ASZ1: variants seen among roughly 807,000 people sequenced by gnomAD.
ASZ1 encodes the protein ankyrin repeat, SAM and basic leucine zipper domain containing 1.
In ASZ1, 67 loss-of-function variants were observed where a neutral mutation model predicts 61.8. The ratio of observed to expected loss-of-function variants is 1.08; its 90% CI spans 0.89 to 1.33. The LOEUF (loss-of-function observed/expected upper bound fraction) is 1.33. Ranked by LOEUF, ASZ1 falls within the 40% of genes most tolerant of loss-of-function variation. The pLI, the probability that ASZ1 is intolerant of heterozygous loss-of-function variation, is 0.00. For missense variants in ASZ1, 577 were observed against 554.5 expected, an observed-to-expected ratio of 1.04 and a Z score of -0.41; for synonymous variants, 193 against 192.7, an observed-to-expected ratio of 1.00 and a Z score of -0.01.
intron 10 of ASZ1, among the ~76,000 whole-genome samples, chr7:117,377,957 A>G (rs1796167249): frequency 6.6e-6 from 1 of 152,116 alleles, no homozygotes. Flanking sequence ...TTTTCAATAA[A>G]TAGTGCTGGG....
At chr7:117,389,783 C>T (rs1796427927) in intron 4 of ASZ1, among the ~76,000 whole-genome samples, 1 of 152,214 alleles carries the variant, frequency 6.6e-6, no homozygotes, top group Admixed American at 6.5e-5. Context: ...CTTTTGAAGG[C>T]ATGAGCCTGG....
In ASZ1 at chr7:117,368,249, A is replaced by T. The variant is rs1315191625; in HGVS notation, c.1161+363T>A. The T allele has an allele frequency of 6.1e-6, 6 of 977,248 alleles. No individual in the cohort carries two copies. In the African/African-American group the frequency reaches 8.8e-5, roughly 14 times the overall value. The allele number at this position is 977,248 out of a possible 1,614,324, so 60.5% of individuals were successfully genotyped here. A position where few individuals can be genotyped will look rare whatever the true frequency, so the allele number is the denominator to read the frequency against. On this transcript the variant is annotated intron_variant, in intron 11 of 12. Transcript: ENST00000284629. ...GCCACTTACACTCTTCCTATTCTAA[A>T]TTTATTTAAAAATATTTTATTGATA...
At chr7:117,404,069 A>C (rs1796733139) in intron 4 of ASZ1, among the ~76,000 whole-genome samples, 1 of 152,200 alleles carries the variant, frequency 6.6e-6, no homozygotes. Context: ...GGTGCCAAAA[A>C]GGTGAGGGAC....
intron 4 of ASZ1, among the ~76,000 whole-genome samples, chr7:117,404,982 T>G (rs1796755033): frequency 6.6e-6 from 1 of 152,158 alleles, no homozygotes; most frequent in Non-Finnish European, 1.5e-5. Context: ...TATTTCCCAG[T>G]TCCACAGTGG....
At chr7:117,425,298 C>T (rs1797179282) in intron 2 of ASZ1, among the ~76,000 whole-genome samples, 1 of 118,640 alleles carries the variant, frequency 8.4e-6, no homozygotes, top group Admixed American at 1.2e-4. Context: ...CGGAGTCTCG[C>T]TTTGTCGCCC....
At chr7:117,403,972 C>G (rs561550083) in intron 4 of ASZ1, among the ~76,000 whole-genome samples, 3 of 152,156 alleles carry the variant, frequency 2.0e-5, no homozygotes, top group Non-Finnish European at 4.4e-5. Flanking sequence ...AATCTAACGC[C>G]TGACGATCTG....
At chr7:117,411,033 G>C (rs1796880405) in intron 4 of ASZ1, among the ~76,000 whole-genome samples, 1 of 151,668 alleles carries the variant, frequency 6.6e-6, no homozygotes, top group Non-Finnish European at 1.5e-5. Context: ...CCATGTACCA[G>C]ACACTAATAA....
At chr7:117,407,315 T>C (rs1796803149) in intron 4 of ASZ1, among the ~76,000 whole-genome samples, 1 of 151,208 alleles carries the variant, frequency 6.6e-6, no homozygotes. Context: ...TTCATAAAGG[T>C]AAAAGGTCAA....
At position 117,363,670 on chromosome 7, in the gene ASZ1, T is replaced by A. The variant is rs903802972; in HGVS notation, c.1354A>T (p.Lys452Ter). The A allele has an allele frequency of 1.2e-6, 2 of 1,609,690 alleles. No homozygotes were observed. The highest frequency in any genetic ancestry group is 2.7e-5 in the African/African-American group (2 of 74,794). Residue 452 changes from lysine (K) to a stop codon, truncating the protein, a stop_gained, in exon 13 of 13, where the codon AAG becomes TAG. Transcript: ENST00000284629. LOFTEE classifies it high-confidence loss of function. ...CCGCATATGGTAATAGCTGTCCTCT[T>A]CAAAATTCTACTATTCCATGTAGAT... ...EVSTWNSRIL[K>*]RTAITICGFG...
chr7:117,412,800 AAG>A (rs1241193299), intron 4 of ASZ1, among the ~76,000 whole-genome samples: 1 of 151,872 alleles, frequency 6.6e-6, no homozygotes, highest in African/African-American at 2.4e-5. Flanking sequence ...AAATATAAGA[AAG>A]AGTTTCAGCA....
chr7:117,378,513 A>C (rs936187413), intron 10 of ASZ1, among the ~76,000 whole-genome samples: 2 of 152,088 alleles, frequency 1.3e-5, no homozygotes, highest in Non-Finnish European at 2.9e-5. Context: ...TGGCTAAAAA[A>C]AATCATGCTA....
rs1796878291 is a variant in ASZ1, at chr7:117,410,943, T to G, written c.440+9220A>C. Among the ~76,000 whole-genome samples, 7 of 151,844 alleles carry G rather than the reference T, an allele frequency of 4.6e-5. No individual in the cohort carries two copies. In the South Asian group the frequency reaches 1.5e-3, roughly 31 times the overall value. The stretch of plus-strand genomic sequence containing the variant: ...CACTACTAATCAGTGTGTGTTAACA[T>G]TATTATAATCAATAAGACTTATCAA... On this transcript the variant is annotated intron_variant, in intron 4 of 12. Coordinates refer to ENST00000284629, the MANE Select transcript of ASZ1 (RefSeq NM_130768.3).
intron 10 of ASZ1, among the ~76,000 whole-genome samples, chr7:117,379,148 TATATATATATATATATATATACACAC>T (rs957607089): frequency 2.6e-4 from 26 of 98,198 alleles, no homozygotes; most frequent in African/African-American, 1.1e-3. Flanking sequence ...TATATATATA[TATATATATATATATATATATACACAC>T]ACACACACAC....
chr7:117,364,947 G>C (rs1278725744), intron 12 of ASZ1, among the ~76,000 whole-genome samples: 2 of 151,796 alleles, frequency 1.3e-5, no homozygotes, highest in East Asian at 3.9e-4. Context: ...GTCTAGCCTT[G>C]ACCTCTCCCA....
chr7:117,399,022 A>G (rs1796627854), intron 4 of ASZ1, among the ~76,000 whole-genome samples: 1 of 152,166 alleles, frequency 6.6e-6, no homozygotes, highest in Non-Finnish European at 1.5e-5. Flanking sequence ...TGAGCCCAGG[A>G]GTTCGAAACC....
intron 4 of ASZ1, among the ~76,000 whole-genome samples, chr7:117,403,217 A>G (rs1490804474): frequency 6.6e-6 from 1 of 151,996 alleles, no homozygotes; most frequent in Non-Finnish European, 1.5e-5. Flanking sequence ...CACCTGTCCT[A>G]TTTTCATCAG....
intron 4 of ASZ1, among the ~76,000 whole-genome samples, chr7:117,405,082 G>T (rs973100762): frequency 5.9e-5 from 9 of 152,072 alleles, no homozygotes; most frequent in Non-Finnish European, 1.3e-4. Flanking sequence ...TACCTTGGTG[G>T]TGGCCAATGT....
chr7:117,414,243 T>A (rs546648301), intron 4 of ASZ1, among the ~76,000 whole-genome samples: 2 of 152,158 alleles, frequency 1.3e-5, no homozygotes, highest in African/African-American at 4.8e-5. Context: ...ATTAAAGGGA[T>A]GTTTTTTCCT....
chr7:117,366,736 A>C (rs1054577618), intron 12 of ASZ1, among the ~76,000 whole-genome samples: 5 of 152,082 alleles, frequency 3.3e-5, no homozygotes, highest in African/African-American at 1.2e-4. Context: ...TAAAAATATT[A>C]CAGAGAGTCT....
Sources: allele counts gnomAD v4.1 joint callset (sites outside exome capture counted in the v4.1 genomes callset), GRCh38; gene constraint gnomAD v4.1.1; transcripts MANE v1.5; gene names NCBI Gene and HGNC (gene_info 2026-07-23, HGNC 2026-07-21).